Variants in ALX1 observed in about 807,000 individuals in gnomAD.
The protein encoded by ALX1 is ALX homeobox 1.
Under a neutral mutation model 31.7 loss-of-function variants are expected in ALX1, and 19 were observed. The ratio of observed to expected loss-of-function variants is 0.60; its 90% CI spans 0.42 to 0.88. ALX1 has a LOEUF of 0.88. Ranked by LOEUF, ALX1 falls within the 40% of genes least tolerant of loss-of-function variation. The pLI is 0.00. For missense variants in ALX1, 415 were observed against 407.8 expected (o/e 1.02, Z -0.15); for synonymous variants, 153 against 148.8 (o/e 1.03, Z -0.20).
chr12:85,297,802 A>T (rs1289464771), intron 3 of ALX1, among the ~76,000 whole-genome samples: 2 of 151,800 alleles, frequency 1.3e-5, no homozygotes, highest in Middle Eastern at 3.4e-3. Context: ...TTTAATAATA[A>T]AAATAAAGAA....
At chr12:85,300,207 A>G (rs1017178327) in intron 3 of ALX1, among the ~76,000 whole-genome samples, 3 of 152,032 alleles carry the variant, frequency 2.0e-5, no homozygotes, top group African/African-American at 7.2e-5. Flanking sequence ...TTCATGTTAC[A>G]TAAGGTCTAT....
chr12:85,286,401 T>A (rs1896747820), intron 2 of ALX1, among the ~76,000 whole-genome samples: 1 of 151,982 alleles, frequency 6.6e-6, no homozygotes, highest in Non-Finnish European at 1.5e-5. Flanking sequence ...TTGTGATATA[T>A]TTTAAAGATA....
chr12:85,280,838 G>T (rs1266274130), intron 1 of ALX1, among the ~76,000 whole-genome samples: 3 of 151,958 alleles, frequency 2.0e-5, no homozygotes, highest in Admixed American at 6.6e-5. Flanking sequence ...AAGACAGAAC[G>T]CTTCCTCTGC....
At chr12:85,296,861 C>T (rs1896895915) in intron 3 of ALX1, among the ~76,000 whole-genome samples, 1 of 151,570 alleles carries the variant, frequency 6.6e-6, no homozygotes, top group Non-Finnish European at 1.5e-5. Flanking sequence ...ATTGTCATTG[C>T]AGTATCTATG....
At chr12:85,288,693 C>T (rs1446111432) in intron 3 of ALX1, among the ~76,000 whole-genome samples, 1 of 151,470 alleles carries the variant, frequency 6.6e-6, no homozygotes, top group African/African-American at 2.4e-5. Context: ...CTAGGTGTTA[C>T]TAATTGTCTC....
In ALX1 at chr12:85,301,615, G is replaced by A; in HGVS notation, c.*140G>A. ...TCAGTGAGACCAGCTTAAATGAATA[G>A]TTGTTATTTAACATTAAAATCTAAG... On this transcript the variant is annotated 3_prime_UTR_variant, in exon 4 of 4. Transcript: ENST00000316824. 1 of 863,312 alleles carries A rather than the reference G, an allele frequency of 1.2e-6. No homozygotes were observed. Among genetic ancestry groups the A allele is most frequent in the Admixed American group, 2.4e-5 (1 of 40,892 alleles). 53.5% of individuals were successfully genotyped at this position (863,312 alleles called of 1,614,324 possible).
chr12:85,297,413 T>C (rs998422793), intron 3 of ALX1, among the ~76,000 whole-genome samples: 3 of 151,680 alleles, frequency 2.0e-5, no homozygotes, highest in Non-Finnish European at 3.0e-5. Context: ...GAAAAAGGAT[T>C]TGGGGGTTGT....
At position 85,301,184 on chromosome 12, in the gene ALX1, A is replaced by T; in HGVS notation, c.690A>T (p.Ala230=). ...QIQNNLWAGN[A]SGGSVVTSCM... ...AGAACAATTTGTGGGCAGGAAATGC[A>T]AGTGGTGGTTCTGTGGTTACTTCAT... Residue 230 remains alanine (A), a synonymous_variant, in exon 4 of 4, where the codon GCA becomes GCT. Transcript: ENST00000316824. The T allele has an allele frequency of 6.2e-7, 1 of 1,614,010 alleles. No homozygotes were observed. The highest frequency in any genetic ancestry group is 8.5e-7 in the Non-Finnish European group (1 of 1,179,914).
At chr12:85,284,876 A>G (rs1233516696) in intron 2 of ALX1, among the ~76,000 whole-genome samples, 1 of 151,988 alleles carries the variant, frequency 6.6e-6, no homozygotes, top group East Asian at 1.9e-4. Context: ...AATAGTGAAA[A>G]TTTTTGTTCT....
intron 3 of ALX1, among the ~76,000 whole-genome samples, chr12:85,297,335 A>G (rs1033327801): frequency 2.0e-5 from 3 of 151,720 alleles, no homozygotes; most frequent in African/African-American, 7.3e-5. Context: ...ACATGATCTG[A>G]ATGATACAGT....
intron 3 of ALX1, among the ~76,000 whole-genome samples, chr12:85,287,263 T>C (rs1896760666): frequency 6.6e-6 from 1 of 151,778 alleles, no homozygotes; most frequent in South Asian, 2.1e-4. Flanking sequence ...ATGATACAGG[T>C]ATTTTAATTA....
chr12:85,297,580 G>C (rs886225032), intron 3 of ALX1, among the ~76,000 whole-genome samples: 7 of 151,580 alleles, frequency 4.6e-5, no homozygotes, highest in Non-Finnish European at 8.9e-5. Context: ...TTTTAAACAG[G>C]TGAGCTTCTT....
Position 85,280,509 on chromosome 12 carries a change from C to A in ALX1, c.226+22C>A, listed in dbSNP as rs779440782. 4 of 1,605,230 alleles carry A rather than the reference C, an allele frequency of 2.5e-6. No homozygotes were observed. In the African/African-American group the frequency reaches 4.0e-5, roughly 16 times the overall value. ...AGCGGTGAGTCGCTAGCGCCCCAGC[C>A]GGAGCCGCCGCAGCCCTTCCGCAAT... On this transcript the variant is annotated intron_variant, in intron 1 of 3. Coordinates refer to ENST00000316824, the MANE Select transcript of ALX1 (RefSeq NM_006982.3).
chr12:85,295,175 G>A (rs1896870967), intron 3 of ALX1, among the ~76,000 whole-genome samples: 1 of 151,030 alleles, frequency 6.6e-6, no homozygotes, highest in South Asian at 2.1e-4. Flanking sequence ...AAGTCTCAGT[G>A]TGTGTTAGTT....
intron 2 of ALX1, 31 bp from the exon 3 acceptor site, chr12:85,286,822 G>A: frequency 6.6e-7 from 1 of 1,525,774 alleles, no homozygotes. Context: ...ATATTCCTTA[G>A]CTAAAATTCT....
intron 2 of ALX1, among the ~76,000 whole-genome samples, chr12:85,285,556 A>C (rs1440782142): frequency 6.6e-6 from 1 of 152,000 alleles, no homozygotes; most frequent in Non-Finnish European, 1.5e-5. Context: ...GGCTCATTTC[A>C]ATTGCTGAAA....
intron 1 of ALX1, among the ~76,000 whole-genome samples, chr12:85,283,341 A>G (rs1896703923): frequency 6.6e-6 from 1 of 152,226 alleles, no homozygotes; most frequent in African/African-American, 2.4e-5. Flanking sequence ...CCTGTAAAAT[A>G]GAACTGCGGA....
chr12:85,284,698 T>C (rs182826412), intron 2 of ALX1, among the ~76,000 whole-genome samples: 12 of 152,270 alleles, frequency 7.9e-5, no homozygotes, highest in African/African-American at 1.2e-4. Flanking sequence ...TTATTTTGAC[T>C]ACATTTGATA....
At chr12:85,289,785 A>C (rs1376024850) in intron 3 of ALX1, among the ~76,000 whole-genome samples, 5 of 151,178 alleles carry the variant, frequency 3.3e-5, no homozygotes, top group Non-Finnish European at 7.4e-5. Flanking sequence ...AATATATACA[A>C]GATACTTTTT....
Sources: gnomAD v4.1 joint callset for allele counts (sites outside exome capture counted in the v4.1 genomes callset) on GRCh38, gnomAD v4.1.1 for gene constraint, MANE v1.5 for transcripts, NCBI Gene and HGNC (gene_info 2026-07-23, HGNC 2026-07-21) for gene names.